The following CABCOCO1 variants were observed in gnomAD, a reference collection of about 807,000 sequenced individuals.
CABCOCO1 encodes ciliary-associated calcium-binding coiled-coil protein 1.
Under a neutral mutation model 35.7 loss-of-function variants are expected in CABCOCO1, and 28 were observed. That is an observed-to-expected ratio of 0.78 (90% confidence interval 0.58 to 1.07). CABCOCO1 has a LOEUF of 1.07. Ranked by LOEUF, CABCOCO1 falls within the 50% of genes least tolerant of loss-of-function variation. The probability of loss-of-function intolerance (pLI) is 0.00; values close to 1 mark genes in which losing one functional copy is unlikely to be tolerated. For missense variants in CABCOCO1, 326 were observed against 309.2 expected, an observed-to-expected ratio of 1.05 and a Z score of -0.41; for synonymous variants, 95 against 100.1, an observed-to-expected ratio of 0.95 and a Z score of 0.30.
chr10:61,729,527 T>C (rs940645383), intron 5 of CABCOCO1, among the ~76,000 whole-genome samples: 1 of 152,134 alleles, frequency 6.6e-6, no homozygotes, highest in Non-Finnish European at 1.5e-5. Context: ...GAATGCAAAA[T>C]TTCCAGCCAC....
At chr10:61,755,167 A>G (rs1159181745) in intron 5 of CABCOCO1, among the ~76,000 whole-genome samples, 1 of 152,114 alleles carries the variant, frequency 6.6e-6, no homozygotes, top group East Asian at 1.9e-4. Flanking sequence ...TGGCTTTTGA[A>G]TTTCCTCTTT....
chr10:61,690,992 A>G (rs1840123016), intron 5 of CABCOCO1, among the ~76,000 whole-genome samples: 1 of 152,118 alleles, frequency 6.6e-6, no homozygotes, highest in Admixed American at 6.6e-5. Context: ...AATCCCTTCT[A>G]ATTTCACATT....
intron 5 of CABCOCO1, among the ~76,000 whole-genome samples, chr10:61,721,875 T>C (rs372375211): frequency 6.6e-6 from 1 of 152,142 alleles, no homozygotes; most frequent in Non-Finnish European, 1.5e-5. Flanking sequence ...AGAAGCAGGA[T>C]TGGACAGAGA....
At chr10:61,742,929 A>G (rs1841580548) in intron 5 of CABCOCO1, among the ~76,000 whole-genome samples, 1 of 152,188 alleles carries the variant, frequency 6.6e-6, no homozygotes, top group South Asian at 2.1e-4. Flanking sequence ...CAAAAATAGA[A>G]TGAATTTACC....
intron 5 of CABCOCO1, among the ~76,000 whole-genome samples, chr10:61,718,004 T>C (rs1589138251): frequency 6.6e-6 from 1 of 152,190 alleles, no homozygotes; most frequent in Non-Finnish European, 1.5e-5. Context: ...AGGTAGATTA[T>C]GACAAGCTCT....
intron 5 of CABCOCO1, among the ~76,000 whole-genome samples, chr10:61,742,956 T>C (rs1841581364): frequency 6.6e-6 from 1 of 152,224 alleles, no homozygotes; most frequent in Non-Finnish European, 1.5e-5. Flanking sequence ...TTTACTGCAC[T>C]ATTTAACCTC....
chr10:61,721,256 T>G (rs565100558), intron 5 of CABCOCO1, among the ~76,000 whole-genome samples: 19 of 151,976 alleles, frequency 1.3e-4, no homozygotes, highest in Non-Finnish European at 2.2e-4. Flanking sequence ...AGTCTTATAC[T>G]TCCCTGCCCC....
At chr10:61,706,406 C>G (rs1030256544) in intron 5 of CABCOCO1, among the ~76,000 whole-genome samples, 2 of 152,120 alleles carry the variant, frequency 1.3e-5, no homozygotes, top group African/African-American at 4.8e-5. Flanking sequence ...GTAAATTTTT[C>G]AAAACTTGAA....
rs76681393 is a variant in CABCOCO1, at chr10:61,753,373, T to C, written c.553-6686T>C. Among the ~76,000 whole-genome samples, 761 of 152,240 alleles carry C rather than the reference T, an allele frequency of 5.0e-3. 4 individuals carry two copies. The highest frequency in any genetic ancestry group is 0.017 in the African/African-American group (698 of 41,552). The stretch of plus-strand genomic sequence containing the variant: ...ATATTTTGAAAAGCATTCAATTTTT[T>C]TAACTATTTATAATGGAACCATACT... On this transcript the variant is annotated intron_variant, in intron 5 of 7. Coordinates refer to ENST00000648843, the MANE Select transcript of CABCOCO1 (RefSeq NM_001366906.2).
At position 61,698,641 on chromosome 10, in the gene CABCOCO1, C is replaced by T. The variant is rs1483742110; in HGVS notation, c.552+8020C>T. Among the ~76,000 whole-genome samples the T allele has an allele frequency of 2.6e-5, 4 of 152,204 alleles. No individual in the cohort carries two copies. The South Asian group carries it at 6.2e-4, about 24-fold the overall frequency. ...AATTTCATGTTCTGAGCACTTATTC[C>T]TATAGCAAAAACAAAATAAAACACT... On this transcript the variant is annotated intron_variant, in intron 5 of 7. Transcript: ENST00000648843.
chr10:61,667,985 G>T (rs1764380696), intron 1 of CABCOCO1, among the ~76,000 whole-genome samples: 2 of 151,830 alleles, frequency 1.3e-5, no homozygotes, highest in Non-Finnish European at 2.9e-5. Context: ...TCCATATGAT[G>T]CTTGCAATAT....
At chr10:61,761,508 A>G (rs985767442) in intron 7 of CABCOCO1, among the ~76,000 whole-genome samples, 1 of 152,100 alleles carries the variant, frequency 6.6e-6, no homozygotes, top group Non-Finnish European at 1.5e-5. Flanking sequence ...CCGTATGAAT[A>G]GCAGCTGCCA....
At chr10:61,727,416 AAAG>A (rs1340116646) in intron 5 of CABCOCO1, among the ~76,000 whole-genome samples, 1 of 152,224 alleles carries the variant, frequency 6.6e-6, no homozygotes, top group African/African-American at 2.4e-5. Context: ...AATATTGAAG[AAAG>A]ATTTGAATTG....
intron 5 of CABCOCO1, among the ~76,000 whole-genome samples, chr10:61,752,536 T>C (rs1323287252): frequency 6.6e-6 from 1 of 152,172 alleles, no homozygotes; most frequent in African/African-American, 2.4e-5. Flanking sequence ...TGCAAATTTC[T>C]TTAGTTAAAA....
At chr10:61,760,239 G>GGGAGGAAACGAACTAAATGTTTTCTTC (rs2132092894) in intron 6 of CABCOCO1, 58 bp downstream of exon 6, 2 of 1,541,344 alleles carry the variant, frequency 1.3e-6, no homozygotes, top group Admixed American at 3.8e-5. Flanking sequence ...CTCTTGGGGT[G>GGGAGGAAACGAACTAAATGTTTTCTTC]GGAGGAAACG....
chr10:61,671,689 TC>T (rs1839365356), intron 1 of CABCOCO1, among the ~76,000 whole-genome samples: 1 of 152,174 alleles, frequency 6.6e-6, no homozygotes, highest in Non-Finnish European at 1.5e-5. Context: ...GCCCAACGCT[TC>T]ATCCCTGCAC....
intron 1 of CABCOCO1, among the ~76,000 whole-genome samples, chr10:61,670,662 A>G (rs1301328365): frequency 6.6e-6 from 1 of 152,124 alleles, no homozygotes; most frequent in Non-Finnish European, 1.5e-5. Context: ...ACTCAATCGC[A>G]TGGAAGGCTC....
chr10:61,747,327 T>G (rs967771276), intron 5 of CABCOCO1, among the ~76,000 whole-genome samples: 2 of 152,164 alleles, frequency 1.3e-5, no homozygotes, highest in Non-Finnish European at 2.9e-5. Context: ...ATAAAAAGCT[T>G]CTAACACAAA....
chr10:61,690,407 T>C, intron 4 of CABCOCO1, 142 bp from the exon 5 acceptor site: 1 of 542,216 alleles, frequency 1.8e-6, no homozygotes, highest in Non-Finnish European at 3.2e-6. Context: ...TCTTTTGGAA[T>C]AAAGGAGGAT....
Sources: allele counts gnomAD v4.1 joint callset (sites outside exome capture counted in the v4.1 genomes callset), GRCh38; gene constraint gnomAD v4.1.1; transcripts MANE v1.5; gene names NCBI Gene and HGNC (gene_info 2026-07-23, HGNC 2026-07-21).